FAM168A: variants seen among roughly 807,000 people sequenced by gnomAD.
The protein encoded by FAM168A is protein FAM168A.
FAM168A carries 3 observed loss-of-function variants against 28.5 expected under a neutral mutation model. The observed-to-expected ratio is 0.11, with a 90% CI of 0.05 to 0.27. FAM168A has a LOEUF of 0.27. Among genes scored for constraint, FAM168A ranks in the 10% least tolerant of loss-of-function variants. The pLI, the probability that FAM168A is intolerant of heterozygous loss-of-function variation, is 1.00. For synonymous variants in FAM168A, 122 were observed against 124.2 expected (o/e 0.98, Z 0.12); for missense variants, 222 against 311.5 (o/e 0.71, Z 2.16).
At chr11:73,515,363 G>T (rs1943287645) in intron 1 of FAM168A, among the ~76,000 whole-genome samples, 1 of 151,934 alleles carries the variant, frequency 6.6e-6, no homozygotes, top group South Asian at 2.1e-4. Context: ...TACAAAATTA[G>T]TCGGGTGTGG....
chr11:73,469,415 G>A (rs886730960), intron 1 of FAM168A, among the ~76,000 whole-genome samples: 3 of 152,092 alleles, frequency 2.0e-5, no homozygotes, highest in African/African-American at 7.2e-5. Flanking sequence ...AATTTTTTAG[G>A]TCATTAACTT....
chr11:73,593,360 A>T (rs1944404200), intron 1 of FAM168A, among the ~76,000 whole-genome samples: 2 of 152,302 alleles, frequency 1.3e-5, no homozygotes, highest in South Asian at 4.1e-4. Context: ...TTTACAATTT[A>T]AAAAAAGGAT....
intron 1 of FAM168A, among the ~76,000 whole-genome samples, chr11:73,567,086 G>C (rs1944029363): frequency 6.6e-6 from 1 of 152,212 alleles, no homozygotes; most frequent in African/African-American, 2.4e-5. Context: ...GGTGACCCTG[G>C]CAGCAGATGG....
In FAM168A at chr11:73,498,211, G is replaced by T. The variant is rs1854933888; in HGVS notation, c.-18-29719C>A. Among the ~76,000 whole-genome samples, 4 of 152,226 alleles carry T rather than the reference G, an allele frequency of 2.6e-5. No homozygotes were observed. The South Asian group carries it at 8.3e-4, about 32-fold the overall frequency. On this transcript the variant is annotated intron_variant, in intron 1 of 7. Coordinates refer to ENST00000356467, the MANE Select transcript of FAM168A (RefSeq NM_015159.3). ...TGTGAATCCTTCGCCGGCCACCAAG[G>T]ATCTAGGTTCTCTCATCAAAATTGA...
At chr11:73,549,880 T>C (rs1425731528) in intron 1 of FAM168A, among the ~76,000 whole-genome samples, 1 of 152,204 alleles carries the variant, frequency 6.6e-6, no homozygotes, top group Non-Finnish European at 1.5e-5. Context: ...CACTACTTAA[T>C]GTGAGACTTG....
intron 1 of FAM168A, among the ~76,000 whole-genome samples, chr11:73,529,385 G>C (rs1394533861): frequency 2.0e-5 from 3 of 152,146 alleles, no homozygotes; most frequent in Non-Finnish European, 4.4e-5. Flanking sequence ...TCTGTAAAAT[G>C]GATTTTAAAA....
At chr11:73,509,394 T>C (rs929588311) in intron 1 of FAM168A, among the ~76,000 whole-genome samples, 1 of 152,174 alleles carries the variant, frequency 6.6e-6, no homozygotes, top group Non-Finnish European at 1.5e-5. Flanking sequence ...ACTAAGTAAA[T>C]CCTGCTAAGT....
At chr11:73,467,464 T>C (rs887091386) in intron 2 of FAM168A, among the ~76,000 whole-genome samples, 3 of 152,050 alleles carry the variant, frequency 2.0e-5, no homozygotes, top group African/African-American at 7.3e-5. Flanking sequence ...TCCTACTATG[T>C]GCCAAGCAGA....
intron 1 of FAM168A, among the ~76,000 whole-genome samples, chr11:73,558,177 G>A (rs181178275): frequency 6.9e-4 from 105 of 152,036 alleles, no homozygotes; most frequent in African/African-American, 2.5e-3. Flanking sequence ...TGCATCAAAC[G>A]ATATTATCAA....
intron 1 of FAM168A, among the ~76,000 whole-genome samples, chr11:73,578,166 C>T (rs1339932937): frequency 1.3e-5 from 2 of 152,106 alleles, no homozygotes; most frequent in Non-Finnish European, 2.9e-5. Flanking sequence ...TGGTAGAATC[C>T]CTGTTTCACA....
In FAM168A at chr11:73,407,579, A is replaced by G. The variant is rs1468754812; in HGVS notation, c.660T>C (p.Tyr220=). Reference sequence around the variant, plus strand: ...TGTACGCAGGGGTTCCTTGGGCCCTATATGTTGGCATGGAGACAGGGTGTG... The same window carrying G: ...TGTACGCAGGGGTTCCTTGGGCCCTGTATGTTGGCATGGAGACAGGGTGTG... ...IGAHPVSMPT[Y]RAQGTPAYSY... The change falls in exon 7 of 8, where the codon TAT becomes TAC. Residue 220 remains tyrosine, a synonymous_variant. Coordinates refer to ENST00000356467, the MANE Select transcript of FAM168A (RefSeq NM_015159.3). 13 of 1,608,684 alleles carry G rather than the reference A, an allele frequency of 8.1e-6. No homozygotes were observed. Among genetic ancestry groups the G allele is most frequent in the African/African-American group, 1.3e-5 (1 of 74,606 alleles).
chr11:73,467,709 C>T (rs560658721), intron 2 of FAM168A, among the ~76,000 whole-genome samples: 5 of 152,176 alleles, frequency 3.3e-5, no homozygotes, highest in African/African-American at 1.2e-4. Flanking sequence ...CAGTTCAGTT[C>T]CCTCTGGCAG....
At position 73,554,302 on chromosome 11, in the gene FAM168A, G is replaced by T. The variant is rs1474261431; in HGVS notation, c.-19+43621C>A. 2.0e-5 allele frequency among the ~76,000 whole-genome samples: 3 copies of T among 151,890 alleles called. No homozygotes were observed. The East Asian group carries it at 5.8e-4, about 29-fold the overall frequency. On this transcript the variant is annotated intron_variant, in intron 1 of 7. Coordinates refer to ENST00000356467, the MANE Select transcript of FAM168A (RefSeq NM_015159.3). ...CTAAGACAGAAGATCTCGAGCCCAG[G>T]AGTTTGAGGCTGCAGTGAGCTGTGA...
At chr11:73,443,073 C>T (rs1282742497) in intron 2 of FAM168A, among the ~76,000 whole-genome samples, 1 of 143,466 alleles carries the variant, frequency 7.0e-6, no homozygotes, top group Non-Finnish European at 1.5e-5. Flanking sequence ...TTTACATTTA[C>T]ACTCAGGTTG....
intron 1 of FAM168A, among the ~76,000 whole-genome samples, chr11:73,548,001 T>C (rs903157616): frequency 1.1e-4 from 17 of 152,194 alleles, no homozygotes; most frequent in African/African-American, 3.6e-4. Context: ...AAATATTGTA[T>C]GATTCCACTT....
chr11:73,421,094 G>A (rs113465133), intron 3 of FAM168A, among the ~76,000 whole-genome samples: 42 of 151,652 alleles, frequency 2.8e-4, no homozygotes, highest in African/African-American at 9.9e-4. Flanking sequence ...ATGGATATGG[G>A]GTGCTATATA....
intron 2 of FAM168A, among the ~76,000 whole-genome samples, chr11:73,445,259 CAA>C (rs775104333): frequency 1.2e-4 from 14 of 113,928 alleles, no homozygotes; most frequent in Non-Finnish European, 1.5e-4. Flanking sequence ...AACTCCATCT[CAA>C]AAAAAAAAAA....
At chr11:73,451,255 G>A (rs1867423581) in intron 2 of FAM168A, among the ~76,000 whole-genome samples, 1 of 152,174 alleles carries the variant, frequency 6.6e-6, no homozygotes, top group Non-Finnish European at 1.5e-5. Context: ...GTAATTTTCT[G>A]TGTGAAAGCA....
chr11:73,597,509 G>A (rs1013993692), intron 1 of FAM168A, among the ~76,000 whole-genome samples: 1 of 151,278 alleles, frequency 6.6e-6, no homozygotes, highest in Non-Finnish European at 1.5e-5. Context: ...CCTCACCCCA[G>A]CTCAGATCCC....
Sources: gnomAD v4.1 joint callset for allele counts (sites outside exome capture counted in the v4.1 genomes callset) on GRCh38, gnomAD v4.1.1 for gene constraint, MANE v1.5 for transcripts, NCBI Gene and HGNC (gene_info 2026-07-23, HGNC 2026-07-21) for gene names.